The following NPHS1 variants were observed in gnomAD, a reference collection of about 807,000 sequenced individuals.
The protein encoded by NPHS1 is nephrin.
NPHS1 carries 107 observed loss-of-function variants against 139.7 expected under a neutral mutation model. The ratio of observed to expected loss-of-function variants is 0.77; its 90% CI spans 0.66 to 0.90. NPHS1 has a LOEUF of 0.90. Ranked by LOEUF, NPHS1 falls within the 40% of genes least tolerant of loss-of-function variation. The pLI is 0.00. For synonymous variants in NPHS1, 707 were observed against 706.6 expected (o/e 1.00, Z -0.01); for missense variants, 1,580 against 1,654.2 (o/e 0.96, Z 0.78).
chr19:35,848,844 A>G (rs748534091), intron 8 of NPHS1, 50 bp from the exon 9 acceptor site: 2 of 1,612,380 alleles, frequency 1.2e-6, no homozygotes, highest in African/African-American at 1.3e-5. Context: ...TTTCTCACAG[A>G]CCAGCCCAGA....
chr19:35,848,159 G>A lies in NPHS1; in HGVS notation c.1322C>T (p.Ala441Val). ...GGGACCCTCAATCCACAGTTTCTGG[G>A]CGGGATCTGGCGGGGAGAGGAAGGA... is the stretch of plus-strand genomic sequence containing the variant. ...KSLILNVKYP[A>V]QKLWIEGPPE... Residue 441 changes from alanine to valine, a missense_variant, in exon 11 of 29, where the codon GCC becomes GTC. By Grantham distance (64) the Ala-to-Val change is moderately conservative. Transcript: ENST00000378910. 1 of 1,614,036 alleles carries A rather than the reference G, an allele frequency of 6.2e-7. No individual in the cohort carries two copies. Among genetic ancestry groups the A allele is most frequent in the Non-Finnish European group, 8.5e-7 (1 of 1,180,022 alleles).
At chr19:35,835,199 CAAAA>C (rs71167570) in intron 23 of NPHS1, among the ~76,000 whole-genome samples, 13 of 71,224 alleles carry the variant, frequency 1.8e-4, no homozygotes, top group African/African-American at 4.3e-4. Flanking sequence ...GACTCTGTCT[CAAAA>C]AAAAAAAAAA....
chr19:35,826,394 G>T lies in NPHS1; in HGVS notation c.*120C>A. 1 of 1,206,540 alleles carries T rather than the reference G, an allele frequency of 8.3e-7. No homozygotes were observed. The highest frequency in any genetic ancestry group is 1.2e-6 in the Non-Finnish European group (1 of 819,656). 74.7% of individuals were successfully genotyped at this position (1,206,540 alleles called of 1,614,324 possible). A position where few individuals can be genotyped will look rare whatever the true frequency, so the allele number is the denominator to read the frequency against. On this transcript the variant is annotated 3_prime_UTR_variant, in exon 29 of 29. Transcript: ENST00000378910. Reference sequence around the variant, plus strand: ...CTCAGCCCCCTCCATGTCCTCTCCTGACACCAAGTCCCTTTGGGTTTTATG... The same window carrying T: ...CTCAGCCCCCTCCATGTCCTCTCCTTACACCAAGTCCCTTTGGGTTTTATG...
intron 22 of NPHS1, among the ~76,000 whole-genome samples, chr19:35,838,702 C>G (rs1305555654): frequency 6.6e-6 from 1 of 152,024 alleles, no homozygotes; most frequent in African/African-American, 2.4e-5. Flanking sequence ...ACAAAATTAG[C>G]TGGGGGTGGT....
chr19:35,828,823 C>CCTCCATCTA (rs1599834278), intron 28 of NPHS1, among the ~76,000 whole-genome samples: 1 of 152,334 alleles, frequency 6.6e-6, no homozygotes, highest in East Asian at 1.9e-4. Context: ...AAGCGTGCAG[C>CCTCCATCTA]CTCCATCTAC....
chr19:35,850,896 A>G, intron 4 of NPHS1, 65 bp downstream of exon 4: 1 of 1,598,040 alleles, frequency 6.3e-7, no homozygotes, highest in Non-Finnish European at 8.5e-7. Flanking sequence ...CTGGTCAGGA[A>G]CACACACCCT....
At chr19:35,833,407 T>C (rs1196099157) in intron 23 of NPHS1, among the ~76,000 whole-genome samples, 1 of 152,190 alleles carries the variant, frequency 6.6e-6, no homozygotes, top group African/African-American at 2.4e-5. Context: ...AGTGGGCACA[T>C]GGCCCGGCCT....
chr19:35,841,950 G>A, intron 19 of NPHS1, 84 bp from the exon 20 acceptor site: 8 of 1,472,042 alleles, frequency 5.4e-6, no homozygotes, highest in Non-Finnish European at 7.5e-6. Context: ...ATCCATTAAT[G>A]TAACCGTCTG....
intron 17 of NPHS1, 120 bp downstream of exon 17, chr19:35,843,352 G>A (rs1378257119): frequency 1.6e-6 from 2 of 1,252,968 alleles, no homozygotes; most frequent in Non-Finnish European, 2.3e-6. Context: ...AGCATGCCCT[G>A]GCGAGTATAT....
Position 35,848,908 on chromosome 19 carries a change from T to C in NPHS1, c.1012+68A>G, listed in dbSNP as rs80321803. 55,903 of 1,610,674 alleles carry C rather than the reference T, an allele frequency of 0.035. 1,276 individuals carry two copies. The highest frequency in any genetic ancestry group is 0.07 in the Admixed American group (4,219 of 60,016). ...ATCTTTGGCATCCAGTAGGCATAAT[T>C]TGGGGGCACACACAGATGGTTCTCT... On this transcript the variant is annotated intron_variant, in intron 8 of 28. Transcript: ENST00000378910.
At position 35,848,757 on chromosome 19, in the gene NPHS1, G is replaced by T. The variant is rs1461229508; in HGVS notation, c.1050C>A (p.Ser350=). ...PSAIIILGSA[S]QTENKNVTLS... The stretch of plus-strand genomic sequence containing the variant: ...GTGTCACGTTCTTGTTCTCAGTCTG[G>T]GATGCAGATCCCAAGATAATAATGG... Residue 350 remains serine (S), a synonymous_variant, in exon 9 of 29, where the codon TCC becomes TCA. Transcript: ENST00000378910. The T allele has an allele frequency of 6.2e-7, 1 of 1,614,148 alleles. No individual in the cohort carries two copies. Among genetic ancestry groups the T allele is most frequent in the Non-Finnish European group, 8.5e-7 (1 of 1,180,028 alleles).
intron 20 of NPHS1, 95 bp downstream of exon 20, chr19:35,841,620 G>T: frequency 1.4e-6 from 2 of 1,464,714 alleles, no homozygotes; most frequent in Non-Finnish European, 9.5e-7. Flanking sequence ...CAGAACTTCC[G>T]GTTTCAGAAA....
At chr19:35,850,330 G>A in intron 5 of NPHS1, 34 bp downstream of exon 5, 1 of 1,573,346 alleles carries the variant, frequency 6.4e-7, no homozygotes, top group Non-Finnish European at 8.8e-7. Flanking sequence ...GAAAATTAGG[G>A]GTCAAGGTTG....
Position 35,849,725 on chromosome 19 carries a change from G to A in NPHS1, c.609-72C>T, listed in dbSNP as rs904325273. ...TTTGGGGAGTCAGGGAGAAGAGGTG[G>A]GGATGTCACCTCTGGTCCCCACACC... is the stretch of plus-strand genomic sequence containing the variant. On this transcript the variant is annotated intron_variant, in intron 5 of 28. Coordinates refer to ENST00000378910, the MANE Select transcript of NPHS1 (RefSeq NM_004646.4). 4.5e-6 allele frequency: 5 copies of A among 1,103,992 alleles called. No homozygotes were observed. In the Admixed American group the frequency reaches 8.6e-5, roughly 19 times the overall value. 68.4% of individuals were successfully genotyped at this position (1,103,992 alleles called of 1,614,324 possible). A position where few individuals can be genotyped will look rare whatever the true frequency, so the allele number is the denominator to read the frequency against.
chr19:35,844,385 A>G lies in NPHS1; in HGVS notation c.2005T>C (p.Ser669Pro). Residue 669 changes from serine to proline, a missense_variant, in exon 15 of 29, where the codon TCC becomes CCC. By Grantham distance (74) the Ser-to-Pro change is moderately conservative. Transcript: ENST00000378910. ...TCGGGGGCGGGGTTAGCGGACACGG[A>G]CACGGGCAGCAACGCCTCGCCCTGC... The part of the protein sequence containing the change: ...VEQGEALLPV[S>P]VSANPAPEAF... 6.2e-7 allele frequency: 1 copy of G among 1,612,794 alleles called. No individual in the cohort carries two copies.
Position 35,839,545 on chromosome 19 carries a change from C to T in NPHS1, c.2878G>A (p.Glu960Lys), listed in dbSNP as rs991005268. 4.3e-6 allele frequency: 7 copies of T among 1,614,202 alleles called. No individual in the cohort carries two copies. Among genetic ancestry groups the T allele is most frequent in the Non-Finnish European group, 5.9e-6 (7 of 1,180,040 alleles). Residue 960 changes from glutamate to lysine, a missense_variant, in exon 21 of 29, where the codon GAG becomes AAG. By Grantham distance (56) the Glu-to-Lys change is moderately conservative (BLOSUM62 1). Coordinates refer to ENST00000378910, the MANE Select transcript of NPHS1 (RefSeq NM_004646.4). The part of the protein sequence containing the change: ...VSLTPHSVGL[E>K]WKPGFDGGLP... ...CCCCCATCAAAGCCAGGCTTCCACT[C>T]CAGCCCCACGGAGTGTGGGGTCAGA...
rs1038257742 is a variant in NPHS1 at position 35,845,553 on chromosome 19, G to A, written c.1758-13C>T. ...CACGCCCTCCAGCCTGTGGAACCGG[G>A]GTCAAGCCAGGGCTGCGAGCGGAGC... is the stretch of plus-strand genomic sequence containing the variant. On this transcript the variant is annotated splice_polypyrimidine_tract_variant and intron_variant, in intron 13 of 28. Transcript: ENST00000378910. The surrounding 1 kb of genome is among the most constrained non-coding windows in gnomAD (Gnocchi z 5.5). The A allele has an allele frequency of 1.2e-6, 2 of 1,611,456 alleles. No individual in the cohort carries two copies. Among genetic ancestry groups the A allele is most frequent in the Admixed American group, 3.4e-5 (2 of 59,686 alleles).
At chr19:35,829,720 G>A (rs962099882) in intron 28 of NPHS1, among the ~76,000 whole-genome samples, 1 of 151,910 alleles carries the variant, frequency 6.6e-6, no homozygotes, top group Non-Finnish European at 1.5e-5. Context: ...TGCATTTTTT[G>A]TAGAAATGGG....
At position 35,851,467 on chromosome 19, in the gene NPHS1, G is replaced by T. The variant is rs1973259133; in HGVS notation, c.264C>A (p.Asp88Glu). 1.2e-6 allele frequency: 2 copies of T among 1,613,474 alleles called. No homozygotes were observed. Among genetic ancestry groups the T allele is most frequent in the African/African-American group, 2.7e-5 (2 of 75,052 alleles). ...GCTCTGATCCCTTACCTCTAGCAGG[G>T]TCCCCTTCCAGGCGGTACCTCGGGA... ...PGFPRYRLEG[D>E]PARGEFHLHI... The change falls in exon 2 of 29, where the codon GAC (aspartate) becomes GAA (glutamate). Residue 88 changes from aspartate (D) to glutamate (E), a missense_variant. Asp to Glu is a conservative substitution (Grantham distance 45, BLOSUM62 2). Coordinates refer to ENST00000378910, the MANE Select transcript of NPHS1 (RefSeq NM_004646.4).
Sources: allele counts gnomAD v4.1 joint callset (sites outside exome capture counted in the v4.1 genomes callset), GRCh38; gene constraint gnomAD v4.1.1; non-coding constraint Gnocchi (gnomAD v3.1); transcripts MANE v1.5; gene names NCBI Gene and HGNC (gene_info 2026-07-23, HGNC 2026-07-21).